Variants in GRXCR1 observed in about 807,000 individuals in gnomAD.
The protein encoded by GRXCR1 is glutaredoxin domain-containing cysteine-rich protein 1.
GRXCR1 carries 27 observed loss-of-function variants against 27.3 expected under a neutral mutation model. That is an observed-to-expected ratio of 0.99 (90% confidence interval 0.73 to 1.37). GRXCR1 has a LOEUF of 1.37. Ranked by LOEUF, GRXCR1 falls within the 40% of genes most tolerant of loss-of-function variation. The probability of loss-of-function intolerance (pLI) is 0.00; values close to 1 mark genes in which losing one functional copy is unlikely to be tolerated. For missense variants in GRXCR1, 379 were observed against 354.4 expected (o/e 1.07, Z -0.56); for synonymous variants, 122 against 131.1 (o/e 0.93, Z 0.47).
intron 2 of GRXCR1, among the ~76,000 whole-genome samples, chr4:42,994,249 G>A (rs757693395): frequency 6.6e-6 from 1 of 152,062 alleles, no homozygotes; most frequent in African/African-American, 2.4e-5. Flanking sequence ...GGACAAGGGA[G>A]GTCTTAGGTG....
intron 2 of GRXCR1, among the ~76,000 whole-genome samples, chr4:42,980,013 C>A (rs1039081989): frequency 1.3e-5 from 2 of 151,864 alleles, no homozygotes; most frequent in African/African-American, 4.8e-5. Context: ...TGTAACATCT[C>A]CTTTTTCATA....
chr4:42,944,750 G>A (rs1041901107), intron 1 of GRXCR1, among the ~76,000 whole-genome samples: 1 of 152,102 alleles, frequency 6.6e-6, no homozygotes, highest in Non-Finnish European at 1.5e-5. Flanking sequence ...CATTAATTCT[G>A]TGCAAGTCCA....
chr4:42,980,112 G>A (rs1269418659), intron 2 of GRXCR1, among the ~76,000 whole-genome samples: 1 of 151,314 alleles, frequency 6.6e-6, no homozygotes, highest in Non-Finnish European at 1.5e-5. Context: ...ACTCAGTTTT[G>A]TTGATTTATT....
At chr4:43,027,070 G>T (rs1046624365) in intron 3 of GRXCR1, among the ~76,000 whole-genome samples, 3 of 152,210 alleles carry the variant, frequency 2.0e-5, no homozygotes, top group African/African-American at 7.2e-5. Flanking sequence ...TGTAGAAAAT[G>T]GTTGTGTCAT....
intron 1 of GRXCR1, among the ~76,000 whole-genome samples, chr4:42,914,157 G>A (rs1746832239): frequency 6.6e-6 from 1 of 152,236 alleles, no homozygotes; most frequent in Admixed American, 6.5e-5. Context: ...TAGTGGAGCT[G>A]TGAGAAGACA....
chr4:42,987,224 A>ATATAT lies in GRXCR1; in HGVS notation c.627+24096_627+24100dup, dbSNP rs1711775454. The stretch of plus-strand genomic sequence containing the variant: ...TTCATATATATATTATATATATATT[A>ATATAT]TATATTATATATATATAATATATAA... On this transcript the variant is annotated intron_variant, in intron 2 of 3. Coordinates refer to ENST00000399770, the MANE Select transcript of GRXCR1 (RefSeq NM_001080476.3). 6.2e-5 allele frequency among the ~76,000 whole-genome samples: 5 copies of ATATAT among 80,128 alleles called. No homozygotes were observed. The Admixed American group carries it at 7.9e-4, about 13-fold the overall frequency. 52.6% of individuals were successfully genotyped at this position (80,128 alleles called of 152,430 possible).
chr4:43,030,647 T>A lies in GRXCR1; in HGVS notation c.*107T>A. The A allele has an allele frequency of 4.4e-6, 4 of 899,112 alleles. No individual in the cohort carries two copies. Among genetic ancestry groups the A allele is most frequent in the South Asian group, 1.5e-5 (1 of 66,836 alleles). The allele number at this position is 899,112 out of a possible 1,614,324, so 55.7% of individuals were successfully genotyped here. On this transcript the variant is annotated 3_prime_UTR_variant, in exon 4 of 4. Coordinates refer to ENST00000399770, the MANE Select transcript of GRXCR1 (RefSeq NM_001080476.3). ...TGTTTATGGATTAATCAATAAACTT[T>A]GTTTATTATAATTGTCTTTGTGGTG...
intron 2 of GRXCR1, among the ~76,000 whole-genome samples, chr4:42,979,713 G>T (rs991419258): frequency 3.3e-5 from 5 of 151,928 alleles, no homozygotes; most frequent in Admixed American, 3.3e-4. Context: ...TATTGGAAGA[G>T]ATTTTTTTGG....
chr4:42,981,845 C>T (rs1295060994), intron 2 of GRXCR1, among the ~76,000 whole-genome samples: 1 of 152,074 alleles, frequency 6.6e-6, no homozygotes, highest in Admixed American at 6.6e-5. Flanking sequence ...TTTTCTTTTG[C>T]TTTCGGGATC....
chr4:42,934,696 G>T (rs537894179), intron 1 of GRXCR1, among the ~76,000 whole-genome samples: 7 of 151,958 alleles, frequency 4.6e-5, no homozygotes, highest in African/African-American at 1.4e-4. Context: ...ATCCATGTTT[G>T]TATTAAACCT....
chr4:42,903,264 C>T (rs1695850888), intron 1 of GRXCR1, among the ~76,000 whole-genome samples: 1 of 141,478 alleles, frequency 7.1e-6, no homozygotes. Context: ...CTCTTTCTAA[C>T]TACACAGAAA....
chr4:42,935,833 T>A (rs1177008831), intron 1 of GRXCR1, among the ~76,000 whole-genome samples: 3 of 151,940 alleles, frequency 2.0e-5, no homozygotes, highest in Non-Finnish European at 2.9e-5. Context: ...TGTTAACATA[T>A]GCCTTCTCAA....
At chr4:42,947,067 A>T (rs1442097891) in intron 1 of GRXCR1, among the ~76,000 whole-genome samples, 2 of 152,100 alleles carry the variant, frequency 1.3e-5, no homozygotes, top group Non-Finnish European at 2.9e-5. Flanking sequence ...TTCAAGGTGT[A>T]GGAAGTATTT....
chr4:43,018,312 C>T (rs1712994416), intron 2 of GRXCR1, among the ~76,000 whole-genome samples: 1 of 152,174 alleles, frequency 6.6e-6, no homozygotes, highest in Non-Finnish European at 1.5e-5. Context: ...AGGTATTCAG[C>T]TGCCTGTCCT....
chr4:42,954,030 G>A (rs1348779140), intron 1 of GRXCR1, among the ~76,000 whole-genome samples: 14 of 152,066 alleles, frequency 9.2e-5, no homozygotes, highest in Admixed American at 9.2e-4. Flanking sequence ...TTAAATGTAT[G>A]GAAAAGAGGC....
chr4:42,893,609 G>A lies in GRXCR1; in HGVS notation c.343G>A (p.Ala115Thr). 1.9e-6 allele frequency: 3 copies of A among 1,613,582 alleles called. No homozygotes were observed. Among genetic ancestry groups the A allele is most frequent in the Non-Finnish European group, 2.5e-6 (3 of 1,179,722 alleles). Residue 115 changes from alanine (A) to threonine (T), a missense_variant, in exon 1 of 4, where the codon GCT (alanine) becomes ACT (threonine). By Grantham distance (58) the Ala-to-Thr change is moderately conservative. Transcript: ENST00000399770. Reference sequence around the variant, plus strand: ...CAGAGGCGTCAAATACAAAGTGAGTGCTGGCCAGGCTCTATTTAACAATTT... The same window carrying A: ...CAGAGGCGTCAAATACAAAGTGAGTACTGGCCAGGCTCTATTTAACAATTT... ...TVRGVKYKVS[A>T]GQALFNNLTK...
intron 1 of GRXCR1, among the ~76,000 whole-genome samples, chr4:42,943,031 T>A (rs576516244): frequency 8.5e-5 from 13 of 152,152 alleles, no homozygotes; most frequent in African/African-American, 1.4e-4. Context: ...AAGGGCTGGA[T>A]GTGGCAAGTT....
chr4:43,005,610 C>T (rs1436478), intron 2 of GRXCR1, among the ~76,000 whole-genome samples: 35,649 of 152,026 alleles, frequency 0.23, 4,461 homozygotes, highest in Admixed American at 0.29. Context: ...AAACTATAAA[C>T]ACCAAGGGTT....
intron 1 of GRXCR1, among the ~76,000 whole-genome samples, chr4:42,952,213 T>C (rs1747897695): frequency 6.6e-6 from 1 of 152,184 alleles, no homozygotes; most frequent in Non-Finnish European, 1.5e-5. Context: ...TGCCTCATTT[T>C]GAGAAAAGAG....
Sources: gnomAD v4.1 joint callset for allele counts (sites outside exome capture counted in the v4.1 genomes callset) on GRCh38, gnomAD v4.1.1 for gene constraint, MANE v1.5 for transcripts, NCBI Gene and HGNC (gene_info 2026-07-23, HGNC 2026-07-21) for gene names.